The following SLC22A25 variants were observed in gnomAD, a reference collection of about 807,000 sequenced individuals.
SLC22A25 encodes the protein solute carrier family 22 member 25, also known as MGI:2442751, MGI:2385316, MGI:3042283, MGI:3645714, MGI:3605624, MGI:2442750.
Under a neutral mutation model 45.9 loss-of-function variants are expected in SLC22A25, and 44 were observed. The ratio of observed to expected loss-of-function variants is 0.96; its 90% CI spans 0.75 to 1.23. The LOEUF is 1.23. Ranked by LOEUF, SLC22A25 falls within the 50% of genes most tolerant of loss-of-function variation. SLC22A25 has a pLI of 0.00. For synonymous variants in SLC22A25, 283 were observed against 238.6 expected (o/e 1.19, Z -1.72); for missense variants, 800 against 666.4 (o/e 1.20, Z -2.21).
intron 7 of SLC22A25, among the ~76,000 whole-genome samples, chr11:63,209,553 G>A (rs1031181468): frequency 6.6e-6 from 1 of 152,138 alleles, no homozygotes; most frequent in African/African-American, 2.4e-5. Context: ...TGGACAGGGC[G>A]AGGCAGCTGG....
At position 63,163,862 on chromosome 11, in the gene SLC22A25, T is replaced by C. The variant is rs375288204; in HGVS notation, c.1606A>G (p.Asn536Asp). Residue 536 changes from asparagine (N) to aspartate (D), a missense_variant, in exon 12 of 12, where the codon AAT (asparagine) becomes GAT (aspartate). By Grantham distance (23) the Asn-to-Asp change is conservative. Transcript: ENST00000306494. ...CTCCTCTGAGGGGCAGCTAGGCTAT[T>C]TACTCCCTCATTTTCCACATCCTGG... ...SIQDVENEGV[N>D]SLAAPQRSSV... 15 of 1,613,698 alleles carry C rather than the reference T, an allele frequency of 9.3e-6. No individual in the cohort carries two copies. The highest frequency in any genetic ancestry group is 1.3e-5 in the African/African-American group (1 of 74,876).
At chr11:63,228,327 T>C in intron 5 of SLC22A25, 134 bp downstream of exon 5, 1 of 655,400 alleles carries the variant, frequency 1.5e-6, no homozygotes, top group Non-Finnish European at 2.6e-6. Context: ...ATAATTTTCC[T>C]TTTGTGTCTA....
chr11:63,223,162 C>T (rs1411381096), intron 5 of SLC22A25, among the ~76,000 whole-genome samples: 4 of 151,682 alleles, frequency 2.6e-5, no homozygotes, highest in Non-Finnish European at 4.4e-5. Flanking sequence ...TAATATATTT[C>T]CTCTGTTTCT....
chr11:63,160,055 A>G lies in SLC22A25; in HGVS notation c.*3769T>C, dbSNP rs1199542840. On this transcript the variant is annotated 3_prime_UTR_variant, in exon 12 of 12. Transcript: ENST00000306494. Reference sequence around the variant, plus strand: ...GCAGTCAGTTTTAAAAGGGAAACTCAGCAAAAAAGTTTGAAAAATTTGCAG... The same window carrying G: ...GCAGTCAGTTTTAAAAGGGAAACTCGGCAAAAAAGTTTGAAAAATTTGCAG... 2.0e-5 allele frequency among the ~76,000 whole-genome samples: 3 copies of G among 152,224 alleles called. 1 individual carries two copies. Among genetic ancestry groups the G allele is most frequent in the Non-Finnish European group, 4.4e-5 (3 of 68,054 alleles).
chr11:63,175,552 G>A (rs887783018), intron 9 of SLC22A25, among the ~76,000 whole-genome samples: 3 of 152,042 alleles, frequency 2.0e-5, no homozygotes, highest in Non-Finnish European at 2.9e-5. Context: ...TCATTCTGAA[G>A]GCTGCCTTTT....
At chr11:63,193,402 C>G (rs1243789107) in intron 7 of SLC22A25, among the ~76,000 whole-genome samples, 2 of 152,216 alleles carry the variant, frequency 1.3e-5, no homozygotes, top group Non-Finnish European at 2.9e-5. Context: ...TGACTGACAC[C>G]TCATACAACT....
intron 10 of SLC22A25, among the ~76,000 whole-genome samples, chr11:63,165,028 T>C (rs1590767348): frequency 6.6e-6 from 1 of 152,304 alleles, no homozygotes; most frequent in Admixed American, 6.5e-5. Flanking sequence ...ATCCATGTCC[T>C]CATAGATTTT....
Position 63,200,685 on chromosome 11 carries a change from G to A in SLC22A25, c.830+16629C>T, listed in dbSNP as rs935844408. On this transcript the variant is annotated intron_variant, in intron 7 of 11. Transcript: ENST00000306494. ...CAATCAGGCAACAGAAAGAAATAAAGGGCATCCAAATAGGAAGAGAGGAAG... is the reference window on the plus strand; with the variant it reads ...CAATCAGGCAACAGAAAGAAATAAAAGGCATCCAAATAGGAAGAGAGGAAG... 2.0e-5 allele frequency among the ~76,000 whole-genome samples: 3 copies of A among 152,044 alleles called. No homozygotes were observed. In the East Asian group the frequency reaches 5.8e-4, roughly 29 times the overall value.
intron 5 of SLC22A25, among the ~76,000 whole-genome samples, chr11:63,224,428 A>G (rs894453842): frequency 1.3e-5 from 2 of 152,054 alleles, no homozygotes; most frequent in Non-Finnish European, 2.9e-5. Context: ...TTTACATTCA[A>G]TAATATTATT....
intron 7 of SLC22A25, among the ~76,000 whole-genome samples, chr11:63,216,870 T>G (rs2089725138): frequency 6.6e-6 from 1 of 152,222 alleles, no homozygotes; most frequent in South Asian, 2.1e-4. Flanking sequence ...TTTAAATTTC[T>G]AATGAGCAGC....
chr11:63,229,638 G>T lies in SLC22A25; in HGVS notation c.15C>A (p.Asp5Glu). The change falls in exon 4 of 12, where the codon GAC (aspartate) becomes GAA (glutamate). Residue 5 changes from aspartate (D) to glutamate (E), a missense_variant. Asp to Glu is a conservative substitution (Grantham distance 45). Coordinates refer to ENST00000306494, the MANE Select transcript of SLC22A25 (RefSeq NM_199352.6). MAFQDLLDQVGGLGR... is the reference protein window; with the variant it reads MAFQELLDQVGGLGR... ...CCAGGCCTCCAACTTGATCTAGGAGGTCCTGAAAGGCCATTGAGGCTGGAC... is the reference window on the plus strand; with the variant it reads ...CCAGGCCTCCAACTTGATCTAGGAGTTCCTGAAAGGCCATTGAGGCTGGAC... 2 of 1,602,118 alleles carry T rather than the reference G, an allele frequency of 1.2e-6. No individual in the cohort carries two copies. Among genetic ancestry groups the T allele is most frequent in the South Asian group, 1.1e-5 (1 of 90,840 alleles).
chr11:63,159,954 T>G lies in SLC22A25; in HGVS notation c.*3870A>C, dbSNP rs1256275509. On this transcript the variant is annotated 3_prime_UTR_variant, in exon 12 of 12. Coordinates refer to ENST00000306494, the MANE Select transcript of SLC22A25 (RefSeq NM_199352.6). ...AGATTTGTGGAACTTTGAACTTGAGTAAGATGATTTAGGGTATCTGTCAGA... is the reference window on the plus strand; with the variant it reads ...AGATTTGTGGAACTTTGAACTTGAGGAAGATGATTTAGGGTATCTGTCAGA... Among the ~76,000 whole-genome samples, 1 of 152,090 alleles carries G rather than the reference T, an allele frequency of 6.6e-6. No individual in the cohort carries two copies. The highest frequency in any genetic ancestry group is 1.5e-5 in the Non-Finnish European group (1 of 67,996).
intron 3 of SLC22A25, among the ~76,000 whole-genome samples, chr11:63,233,865 C>T (rs1404802583): frequency 6.6e-6 from 1 of 152,170 alleles, no homozygotes; most frequent in Non-Finnish European, 1.5e-5. Flanking sequence ...CAAAGAACAT[C>T]TTTATTTCTG....
rs1033658770 is a variant in SLC22A25 at position 63,158,917 on chromosome 11, C to G, written c.*4907G>C. On this transcript the variant is annotated 3_prime_UTR_variant, in exon 12 of 12. Coordinates refer to ENST00000306494, the MANE Select transcript of SLC22A25 (RefSeq NM_199352.6). ...CCCCTGAAGCACCCAATACCCTTCT[C>G]AGCCTCTGGTAATCATCCTTCTCTC... 6.6e-6 allele frequency among the ~76,000 whole-genome samples: 1 copy of G among 152,194 alleles called. No individual in the cohort carries two copies. The highest frequency in any genetic ancestry group is 1.5e-5 in the Non-Finnish European group (1 of 68,040).
Position 63,160,084 on chromosome 11 carries a change from G to C in SLC22A25, c.*3740C>G, listed in dbSNP as rs1355737921. ...AAAAAGTTTGAAAAATTTGCAGCCT[G>C]GTGATGTGATAGAAAATAAAAACCC... On this transcript the variant is annotated 3_prime_UTR_variant, in exon 12 of 12. Coordinates refer to ENST00000306494, the MANE Select transcript of SLC22A25 (RefSeq NM_199352.6). 6.6e-6 allele frequency among the ~76,000 whole-genome samples: 1 copy of C among 152,164 alleles called. No homozygotes were observed. The highest frequency in any genetic ancestry group is 1.5e-5 in the Non-Finnish European group (1 of 68,028).
intron 5 of SLC22A25, among the ~76,000 whole-genome samples, chr11:63,227,533 C>T (rs2089986056): frequency 6.6e-6 from 1 of 152,122 alleles, no homozygotes; most frequent in Non-Finnish European, 1.5e-5. Flanking sequence ...GAAAAAAAGT[C>T]ATCTTTACTT....
At chr11:63,228,120 T>C (rs1178619062) in intron 5 of SLC22A25, among the ~76,000 whole-genome samples, 3 of 152,234 alleles carry the variant, frequency 2.0e-5, no homozygotes, top group African/African-American at 7.2e-5. Context: ...GGTGCATTTT[T>C]GTGTAGATAG....
At chr11:63,168,885 A>G (rs1317352129) in intron 9 of SLC22A25, among the ~76,000 whole-genome samples, 3 of 152,142 alleles carry the variant, frequency 2.0e-5, no homozygotes, top group South Asian at 2.1e-4. Flanking sequence ...CAAGATTGAA[A>G]TGAAGGAAAA....
intron 9 of SLC22A25, among the ~76,000 whole-genome samples, chr11:63,171,386 C>A (rs1210136480): frequency 6.6e-6 from 1 of 152,066 alleles, no homozygotes; most frequent in Non-Finnish European, 1.5e-5. Context: ...CTGCAGATGA[C>A]ATGATTGTAT....
Sources: gnomAD v4.1 joint callset for allele counts (sites outside exome capture counted in the v4.1 genomes callset) on GRCh38, gnomAD v4.1.1 for gene constraint, MANE v1.5 for transcripts, NCBI Gene and HGNC (gene_info 2026-07-23, HGNC 2026-07-21) for gene names.